SLCO3A1: variants seen among roughly 807,000 people sequenced by gnomAD.
SLCO3A1 encodes PGE1 transporter.
In SLCO3A1, 27 loss-of-function variants were observed where a neutral mutation model predicts 63.1. The observed-to-expected ratio is 0.43, with a 90% CI of 0.32 to 0.59. The LOEUF is 0.59. Ranked by LOEUF, SLCO3A1 falls within the 20% of genes least tolerant of loss-of-function variation. The probability of loss-of-function intolerance (pLI) is 0.09; values close to 1 mark genes in which losing one functional copy is unlikely to be tolerated. For synonymous variants in SLCO3A1, 473 were observed against 409.9 expected, an observed-to-expected ratio of 1.15 and a Z score of -1.86; for missense variants, 773 against 945.8, an observed-to-expected ratio of 0.82 and a Z score of 2.40.
In SLCO3A1 at chr15:92,143,408, A is replaced by ATT. The variant is rs1390701782; in HGVS notation, c.1513-3576_1513-3575insTT. On this transcript the variant is annotated intron_variant, in intron 7 of 9. Coordinates refer to ENST00000318445, the MANE Select transcript of SLCO3A1 (RefSeq NM_013272.4). Reference sequence around the variant, plus strand: ...AATATATATATTATATAATATATATAATATATATATTATATATATATAATA... The same window carrying ATT: ...AATATATATATTATATAATATATATATTATATATATATTATATATATATAATA... 9.5e-3 allele frequency among the ~76,000 whole-genome samples: 6 copies of ATT among 632 alleles called. 3 individuals are homozygous for ATT. Among genetic ancestry groups the ATT allele is most frequent in the African/African-American group, 0.011 (6 of 560 alleles). The allele number at this position is 632 out of a possible 152,430, so 0.4% of individuals were successfully genotyped here.
At chr15:92,154,791 G>A (rs2048351172) in intron 9 of SLCO3A1, among the ~76,000 whole-genome samples, 1 of 152,114 alleles carries the variant, frequency 6.6e-6, no homozygotes, top group African/African-American at 2.4e-5. Flanking sequence ...GCAGGAGAGT[G>A]GAGCCAAAGA....
chr15:92,103,812 G>A (rs1000639212), intron 3 of SLCO3A1, among the ~76,000 whole-genome samples: 33 of 151,934 alleles, frequency 2.2e-4, no homozygotes, highest in Admixed American at 6.6e-4. Context: ...CCTATTGTGC[G>A]CCTCCCCTTA....
chr15:92,119,247 A>G (rs2047831946), intron 4 of SLCO3A1, among the ~76,000 whole-genome samples: 1 of 152,238 alleles, frequency 6.6e-6, no homozygotes, highest in South Asian at 2.1e-4. Flanking sequence ...GGATTTTTAA[A>G]AAATGAATCT....
chr15:92,059,186 C>T (rs528896235), intron 2 of SLCO3A1, among the ~76,000 whole-genome samples: 4 of 152,288 alleles, frequency 2.6e-5, no homozygotes, highest in African/African-American at 9.6e-5. Flanking sequence ...GTAGATCAAC[C>T]TCTTCCCTAG....
intron 2 of SLCO3A1, among the ~76,000 whole-genome samples, chr15:91,929,603 G>C (rs893186201): frequency 2.6e-5 from 4 of 152,186 alleles, no homozygotes; most frequent in African/African-American, 9.7e-5. Flanking sequence ...TGTACAGTTT[G>C]ATAGTGTTAA....
At chr15:92,111,643 C>T (rs149879602) in intron 4 of SLCO3A1, among the ~76,000 whole-genome samples, 18 of 152,222 alleles carry the variant, frequency 1.2e-4, no homozygotes, top group Admixed American at 7.2e-4. Flanking sequence ...TGGACAGCAC[C>T]GGAGGGATAG....
At chr15:92,032,868 G>A (rs893102844) in intron 2 of SLCO3A1, among the ~76,000 whole-genome samples, 2 of 119,290 alleles carry the variant, frequency 1.7e-5, no homozygotes, top group African/African-American at 6.9e-5. Context: ...CAATTACTCT[G>A]AAATTTCAAG....
At chr15:91,978,841 A>G (rs1020098699) in intron 2 of SLCO3A1, among the ~76,000 whole-genome samples, 5 of 152,268 alleles carry the variant, frequency 3.3e-5, no homozygotes, top group African/African-American at 9.6e-5. Context: ...TCAGCGAACT[A>G]TGGCCCACGG....
chr15:92,152,650 G>A (rs1303704020), intron 9 of SLCO3A1, among the ~76,000 whole-genome samples: 1 of 152,228 alleles, frequency 6.6e-6, no homozygotes, highest in Non-Finnish European at 1.5e-5. Context: ...TCTCACTGCA[G>A]TGTGGGGTGG....
chr15:91,957,041 GTATA>G lies in SLCO3A1; in HGVS notation c.646+40590_646+40593del, dbSNP rs1369720559. On this transcript the variant is annotated intron_variant, in intron 2 of 9. Transcript: ENST00000318445. ...TAGTATATATAATATATAATATATA[GTATA>G]TATATAATATATACTATATATTATA... 1.7e-3 allele frequency among the ~76,000 whole-genome samples: 2 copies of G among 1,196 alleles called. 1 individual carries two copies. The highest frequency in any genetic ancestry group is 0.053 in the East Asian group (2 of 38). 0.8% of individuals were successfully genotyped at this position (1,196 alleles called of 152,430 possible).
chr15:92,104,800 C>G (rs781492784), intron 4 of SLCO3A1, among the ~76,000 whole-genome samples: 28 of 152,152 alleles, frequency 1.8e-4, no homozygotes, highest in Middle Eastern at 3.2e-3. Context: ...TAGGACCTGA[C>G]ATTTAATAAA....
rs1017127376 is a variant in SLCO3A1, at chr15:91,882,568, G to A, written c.180+28480G>A. Among the ~76,000 whole-genome samples, 7 of 151,058 alleles carry A rather than the reference G, an allele frequency of 4.6e-5. No individual in the cohort carries two copies. Among genetic ancestry groups the A allele is most frequent in the African/African-American group, 1.7e-4 (7 of 41,144 alleles). ...TTCACTCTGTCGCCCAGGCCCGAGT[G>A]CAGTGGCATGATCTCAGCTCACTGC... On this transcript the variant is annotated intron_variant, in intron 1 of 9. Coordinates refer to ENST00000318445, the MANE Select transcript of SLCO3A1 (RefSeq NM_013272.4). The surrounding 1 kb of genome is among the most constrained non-coding windows in gnomAD (Gnocchi z 4.4).
chr15:92,075,724 G>A (rs999934034), intron 2 of SLCO3A1, among the ~76,000 whole-genome samples: 1 of 152,216 alleles, frequency 6.6e-6, no homozygotes, highest in Admixed American at 6.5e-5. Context: ...TGCAGAGAAT[G>A]GGATAGGAGT....
At chr15:92,134,932 G>T (rs577112385) in intron 7 of SLCO3A1, among the ~76,000 whole-genome samples, 1 of 152,128 alleles carries the variant, frequency 6.6e-6, no homozygotes, top group East Asian at 1.9e-4. Context: ...GGGGGATGGG[G>T]TGAATGAGAC....
intron 4 of SLCO3A1, among the ~76,000 whole-genome samples, chr15:92,116,525 G>A (rs1248511110): frequency 6.6e-6 from 1 of 152,224 alleles, no homozygotes; most frequent in Non-Finnish European, 1.5e-5. Context: ...AAATCGGTAG[G>A]CGGGGGGTAC....
At chr15:92,168,177 G>C (rs2048503391), downstream of SLCO3A1, among the ~76,000 whole-genome samples, 1 of 152,326 alleles carries the variant, frequency 6.6e-6, no homozygotes, top group East Asian at 1.9e-4. Context: ...GATAAGGAGA[G>C]CCAATTCATG....
intron 2 of SLCO3A1, among the ~76,000 whole-genome samples, chr15:91,923,102 A>G (rs1354350170): frequency 6.6e-6 from 1 of 152,098 alleles, no homozygotes; most frequent in East Asian, 1.9e-4. Flanking sequence ...TGGGTTTTGG[A>G]TGAGTTTCCA....
At chr15:92,169,291 C>T (rs2048509128), downstream of SLCO3A1, among the ~76,000 whole-genome samples, 1 of 152,188 alleles carries the variant, frequency 6.6e-6, no homozygotes. Flanking sequence ...GCTTTTAGGT[C>T]TTTAAAAGCT....
At chr15:91,874,570 G>A (rs886329183) in intron 1 of SLCO3A1, among the ~76,000 whole-genome samples, 4 of 152,234 alleles carry the variant, frequency 2.6e-5, no homozygotes, top group African/African-American at 7.2e-5. Flanking sequence ...GGCTGGGTCA[G>A]AATTTCCTTC....
Sources: gnomAD v4.1 joint callset for allele counts (sites outside exome capture counted in the v4.1 genomes callset) on GRCh38, gnomAD v4.1.1 for gene constraint, Gnocchi (gnomAD v3.1) non-coding constraint, MANE v1.5 for transcripts, NCBI Gene and HGNC (gene_info 2026-07-23, HGNC 2026-07-21) for gene names.